Variants in PHRF1 observed in about 807,000 individuals in gnomAD.
PHRF1 encodes the protein PHD and RING finger domain-containing protein 1.
A neutral mutation model predicts 128.9 loss-of-function variants in PHRF1; 53 were observed. The observed-to-expected ratio is 0.41, with a 90% CI of 0.33 to 0.52. PHRF1 has a LOEUF of 0.52. Among genes scored for constraint, PHRF1 ranks in the 20% least tolerant of loss-of-function variants. The probability of loss-of-function intolerance (pLI) is 0.21; values close to 1 mark genes in which losing one functional copy is unlikely to be tolerated. For synonymous variants in PHRF1, 1,178 were observed against 980.6 expected (o/e 1.20, Z -3.76); for missense variants, 2,503 against 2,284.5 (o/e 1.10, Z -1.95).
intron 5 of PHRF1, among the ~76,000 whole-genome samples, chr11:591,694 C>T (rs1039459496): frequency 2.6e-5 from 4 of 152,162 alleles, no homozygotes; most frequent in Non-Finnish European, 4.4e-5. Context: ...GATATCCCTT[C>T]GACCCCACCC....
intron 1 of PHRF1, among the ~76,000 whole-genome samples, chr11:579,652 A>G (rs574791187): frequency 6.6e-5 from 10 of 152,334 alleles, no homozygotes; most frequent in African/African-American, 2.2e-4. Context: ...TCCACCAAGC[A>G]CCAGGGGTGC....
At chr11:598,105 C>G (rs1409011333) in intron 8 of PHRF1, among the ~76,000 whole-genome samples, 2 of 152,206 alleles carry the variant, frequency 1.3e-5, no homozygotes, top group African/African-American at 4.8e-5. Flanking sequence ...TGCCCAGTAC[C>G]TGCGCCACCC....
rs908698720 is a variant in PHRF1 at position 607,173 on chromosome 11, C to T, written c.1717C>T (p.Pro573Ser). The T allele has an allele frequency of 3.7e-6, 6 of 1,612,698 alleles. No individual in the cohort carries two copies. The African/African-American group carries it at 5.3e-5, about 14-fold the overall frequency. ...GCCCTCCGGGAGCCCGGCCCAAGGC[C>T]CGTCAGGAAACAGGCCACAGAGCAC... Reference protein sequence around the residue: ...ALPSGSPAQGPSGNRPQSTGL... With the variant: ...ALPSGSPAQGSSGNRPQSTGL... The change falls in exon 14 of 18, where the codon CCG (proline) becomes TCG (serine). Residue 573 changes from proline (P) to serine (S), a missense_variant. Coordinates refer to ENST00000264555, the MANE Select transcript of PHRF1 (RefSeq NM_001286581.2).
At chr11:581,926 G>C (rs200410941) in intron 2 of PHRF1, 36 bp from the exon 3 acceptor site, 1 of 1,547,464 alleles carries the variant, frequency 6.5e-7, no homozygotes, top group Non-Finnish European at 8.7e-7. Context: ...TGGTCTTGAC[G>C]CCGCCCTGCG....
Position 610,969 on chromosome 11 carries a change from C to A in PHRF1, c.4693C>A (p.His1565Asn), listed in dbSNP as rs201355756. 6.2e-7 allele frequency: 1 copy of A among 1,613,064 alleles called. No individual in the cohort carries two copies. Among genetic ancestry groups the A allele is most frequent in the Admixed American group, 1.7e-5 (1 of 59,936 alleles). ...TCCCCTCTAGTACATGAAGAAGCTG[C>A]ACATGCAGGAGCGTGCTGTGGAGGA... ...TKKEEYMKKL[H>N]MQERAVEEVK... is the part of the protein sequence containing the mutation. Residue 1565 changes from histidine to asparagine, a missense_variant, in exon 17 of 18, where the codon CAC becomes AAC. Coordinates refer to ENST00000264555, the MANE Select transcript of PHRF1 (RefSeq NM_001286581.2).
intron 13 of PHRF1, 29 bp downstream of exon 13, chr11:606,625 C>T (rs755626036): frequency 2.5e-6 from 4 of 1,572,716 alleles, no homozygotes; most frequent in Middle Eastern, 1.7e-4. Context: ...ACGGCCCCTT[C>T]CTCTGTGGGC....
chr11:579,287 G>A (rs894170496), intron 1 of PHRF1, among the ~76,000 whole-genome samples: 5 of 116,362 alleles, frequency 4.3e-5, no homozygotes, highest in Non-Finnish European at 9.0e-5. Flanking sequence ...TCTCTTAGGT[G>A]GTCTCTTTGA....
rs1470066014 is a variant in PHRF1 at position 601,710 on chromosome 11, T to G, written c.1152+9T>G. The G allele has an allele frequency of 6.2e-7, 1 of 1,613,560 alleles. No individual in the cohort carries two copies. The highest frequency in any genetic ancestry group is 1.1e-5 in the South Asian group (1 of 91,058). On this transcript the variant is annotated intron_variant, in intron 10 of 17. Coordinates refer to ENST00000264555, the MANE Select transcript of PHRF1 (RefSeq NM_001286581.2). ...GAGGGAAGAAGGTAAAGGTGAGCAT[T>G]GGGTGGCAGGGCCTGAGTCTCCTGC...
At position 607,791 on chromosome 11, in the gene PHRF1, A is replaced by G; in HGVS notation, c.2335A>G (p.Ile779Val). 1 of 1,612,680 alleles carries G rather than the reference A, an allele frequency of 6.2e-7. No individual in the cohort carries two copies. Among genetic ancestry groups the G allele is most frequent in the Non-Finnish European group, 8.5e-7 (1 of 1,179,870 alleles). ...CGGGTCGACCTTTGAGAGCTTCCGG[A>G]TCAATATTCCTGGAAACATGGCACA... ...GVGSTFESFR[I>V]NIPGNMAHSS... Residue 779 changes from isoleucine to valine, a missense_variant, in exon 14 of 18, where the codon ATC (isoleucine) becomes GTC (valine). By Grantham distance (29) the Ile-to-Val change is conservative. Transcript: ENST00000264555.
chr11:588,473 G>A (rs1476265571), intron 4 of PHRF1, among the ~76,000 whole-genome samples: 11 of 151,548 alleles, frequency 7.3e-5, no homozygotes, highest in East Asian at 1.9e-4. Flanking sequence ...TCCACCTTCC[G>A]GGTTCAAGCG....
At chr11:585,312 CTTG>C (rs1854473327) in intron 3 of PHRF1, among the ~76,000 whole-genome samples, 1 of 23,346 alleles carries the variant, frequency 4.3e-5, no homozygotes, top group Non-Finnish European at 8.5e-5. Context: ...CCCTTTCCAG[CTTG>C]AGGTAGTAGC....
In PHRF1 at chr11:612,159, C is replaced by T; in HGVS notation, c.*382C>T. The stretch of plus-strand genomic sequence containing the variant: ...CCTTGATAAATCTCTAGGTGGCCTC[C>T]CGCCAACAGCTGCTGTGTACCTTTG... On this transcript the variant is annotated 3_prime_UTR_variant, in exon 18 of 18. Coordinates refer to ENST00000264555, the MANE Select transcript of PHRF1 (RefSeq NM_001286581.2). 3.2e-6 allele frequency: 1 copy of T among 317,206 alleles called. No individual in the cohort carries two copies. The highest frequency in any genetic ancestry group is 5.9e-5 in the East Asian group (1 of 16,940). 19.6% of individuals were successfully genotyped at this position (317,206 alleles called of 1,614,324 possible).
chr11:605,876 G>T (rs929751658), intron 12 of PHRF1, among the ~76,000 whole-genome samples, 152 bp downstream of exon 12: 1 of 152,240 alleles, frequency 6.6e-6, no homozygotes, highest in African/African-American at 2.4e-5. Context: ...TCGGCCCTTG[G>T]CGTGAGGCAG....
chr11:592,829 C>T (rs1041691867), intron 6 of PHRF1, among the ~76,000 whole-genome samples, 155 bp downstream of exon 6: 2 of 152,242 alleles, frequency 1.3e-5, no homozygotes, highest in African/African-American at 4.8e-5. Flanking sequence ...TCCTGCGGGC[C>T]TTCCTGTTAC....
At chr11:583,356 A>C (rs897640260) in intron 3 of PHRF1, among the ~76,000 whole-genome samples, 1 of 151,550 alleles carries the variant, frequency 6.6e-6, no homozygotes, top group Admixed American at 6.6e-5. Flanking sequence ...AAACAAAAAA[A>C]CCCCACCAAA....
chr11:589,794 T>A lies in PHRF1; in HGVS notation c.421-1590T>A, dbSNP rs114687358. On this transcript the variant is annotated intron_variant, in intron 4 of 17. Transcript: ENST00000264555. ...GCATGTCAGGCTCAGCCTGAGAGGG[T>A]GTCTGCAAACGGGCACAGAGCGTGC... 5.9e-3 allele frequency among the ~76,000 whole-genome samples: 866 copies of A among 146,660 alleles called. 11 individuals are homozygous for A. The highest frequency in any genetic ancestry group is 0.022 in the African/African-American group (818 of 36,786).
chr11:579,936 A>G (rs1167234198), intron 1 of PHRF1, among the ~76,000 whole-genome samples: 1 of 152,204 alleles, frequency 6.6e-6, no homozygotes, highest in Non-Finnish European at 1.5e-5. Context: ...AGGGGTTTCC[A>G]GACAGCAGTG....
rs774637485 is a variant in PHRF1 at position 607,488 on chromosome 11, G to C, written c.2032G>C (p.Glu678Gln). Residue 678 changes from glutamate to glutamine, a missense_variant, in exon 14 of 18, where the codon GAG (glutamate) becomes CAG (glutamine). By Grantham distance (29) the Glu-to-Gln change is conservative. Coordinates refer to ENST00000264555, the MANE Select transcript of PHRF1 (RefSeq NM_001286581.2). ...KPAPRRTDIS[E>Q]LPRIPKIRRD... ...AGCGCCCAGAAGAACAGACATCTCT[G>C]AGCTACCCAGGATACCAAAGATCAG... 2.5e-6 allele frequency: 4 copies of C among 1,612,880 alleles called. No individual in the cohort carries two copies. The South Asian group carries it at 4.4e-5, about 18-fold the overall frequency.
At position 601,679 on chromosome 11, in the gene PHRF1, AGAG is replaced by A. The variant is rs750714016; in HGVS notation, c.1131_1133del (p.Arg379del). On this transcript the variant is annotated inframe_deletion, in exon 10 of 18. Transcript: ENST00000264555. Reference sequence around the variant, plus strand: ...AAGAAACGCCAACATCGAGTGAAGAAGAGAAGAGGGAAGAAGGTAAAGGTGAGC... The same window carrying A: ...AAGAAACGCCAACATCGAGTGAAGAAAAGAGGGAAGAAGGTAAAGGTGAGC... 2 of 1,613,884 alleles carry A rather than the reference AGAG, an allele frequency of 1.2e-6. No homozygotes were observed. The highest frequency in any genetic ancestry group is 1.3e-5 in the African/African-American group (1 of 75,064).
Sources: allele counts gnomAD v4.1 joint callset (sites outside exome capture counted in the v4.1 genomes callset), GRCh38; gene constraint gnomAD v4.1.1; transcripts MANE v1.5; gene names NCBI Gene and HGNC (gene_info 2026-07-23, HGNC 2026-07-21).